CHRM4: variants seen among roughly 807,000 people sequenced by gnomAD.
CHRM4 encodes muscarinic acetylcholine receptor M4.
CHRM4 carries 5 observed loss-of-function variants against 26.3 expected under a neutral mutation model. That is an observed-to-expected ratio of 0.19 (90% CI 0.10 to 0.40). The LOEUF (loss-of-function observed/expected upper bound fraction) is 0.40, where lower values mean the gene tolerates loss of function less well. CHRM4 is among the 10% of genes least tolerant of loss of function. The pLI is 1.00. For synonymous variants in CHRM4, 290 were observed against 285.3 expected (o/e 1.02, Z -0.16); for missense variants, 402 against 664.5 (o/e 0.60, Z 4.34).
chr11:46,386,572 G>T lies in CHRM4; in HGVS notation c.-15C>A. On this transcript the variant is annotated 5_prime_UTR_variant, in exon 2 of 2. Transcript: ENST00000682254. This position sits in a 1 kb window ranked among gnomAD's most constrained non-coding sequence, Gnocchi z 5.8. ...AAGTTGGCCATGTTGGTTGCCAGGGGTGGGTAGGCCGTGTCTGGGGAGGAA... is the reference window on the plus strand; with the variant it reads ...AAGTTGGCCATGTTGGTTGCCAGGGTTGGGTAGGCCGTGTCTGGGGAGGAA... 1 of 1,605,846 alleles carries T rather than the reference G, an allele frequency of 6.2e-7. No homozygotes were observed. Among genetic ancestry groups the T allele is most frequent in the Non-Finnish European group, 8.5e-7 (1 of 1,173,924 alleles).
At chr11:46,390,005 A>T (rs1410023003) in intron 1 of CHRM4, among the ~76,000 whole-genome samples, 1 of 152,176 alleles carries the variant, frequency 6.6e-6, no homozygotes, top group Non-Finnish European at 1.5e-5. Context: ...GTGCGTGCCT[A>T]GGGTGCTGTG....
rs118121247 is a variant in CHRM4, at chr11:46,390,142, T to C, written c.-30+1389A>G. Among the ~76,000 whole-genome samples, 159 of 152,172 alleles carry C rather than the reference T, an allele frequency of 1.0e-3. 5 individuals are homozygous for C. The East Asian group carries it at 0.029, about 27-fold the overall frequency. ...CCCTGCCGGAGACTCAGCCAGACCT[T>C]AGCTGTCCGCCTGAGCGCGTAGAGG... On this transcript the variant is annotated intron_variant, in intron 1 of 1. Transcript: ENST00000682254.
In CHRM4 at chr11:46,385,104, G is replaced by A. The variant is rs534722814; in HGVS notation, c.*14C>T. The A allele has an allele frequency of 6.3e-7, 1 of 1,593,364 alleles. No individual in the cohort carries two copies. The highest frequency in any genetic ancestry group is 1.1e-5 in the South Asian group (1 of 89,194). On this transcript the variant is annotated 3_prime_UTR_variant, in exon 2 of 2. Transcript: ENST00000682254. This position sits in a 1 kb window ranked among gnomAD's most constrained non-coding sequence, Gnocchi z 6.3. ...GCACGCAACACCAGCACCTCCTAGG[G>A]CACTCCTGCCTGCCTACCTGGCAGT... is the stretch of plus-strand genomic sequence containing the variant.
At chr11:46,388,328 T>A (rs1396585646) in intron 1 of CHRM4, among the ~76,000 whole-genome samples, 1 of 152,248 alleles carries the variant, frequency 6.6e-6, no homozygotes, top group East Asian at 1.9e-4. Flanking sequence ...TGCCCCTTCC[T>A]GCACCTCTTT....
intron 1 of CHRM4, among the ~76,000 whole-genome samples, chr11:46,389,388 C>A (rs1945371808): frequency 6.6e-6 from 1 of 152,258 alleles, no homozygotes; most frequent in Non-Finnish European, 1.5e-5. Context: ...AGGGAGCTGC[C>A]AGGTGCTGAC....
chr11:46,383,828 A>G lies in CHRM4; in HGVS notation c.*1290T>C, dbSNP rs1945298875. On this transcript the variant is annotated 3_prime_UTR_variant, in exon 2 of 2. Coordinates refer to ENST00000682254, the MANE Select transcript of CHRM4 (RefSeq NM_000741.5). ...AAAAGCTCTTCTTTTTTAATATATA[A>G]AAGCCCCTTCCCAAGGAGTTTGCTG... 4 of 399,196 alleles carry G rather than the reference A, an allele frequency of 1.0e-5. No individual in the cohort carries two copies. The highest frequency in any genetic ancestry group is 6.3e-5 in the South Asian group (3 of 47,474). 24.7% of individuals were successfully genotyped at this position (399,196 alleles called of 1,614,324 possible).
rs1363974768 is a variant in CHRM4 at position 46,386,153 on chromosome 11, G to A, written c.405C>T (p.Thr135=). 6.2e-7 allele frequency: 1 copy of A among 1,613,710 alleles called. No individual in the cohort carries two copies. ...GCCGGGCAGGGTAGGTGAGAGGCTT[G>A]GTGACGCAGAAGTAGCGGTCAAAGC... ...IISFDRYFCV[T]KPLTYPARRT... The change falls in exon 2 of 2, where the codon ACC becomes ACT. Residue 135 remains threonine (T), a synonymous_variant. Coordinates refer to ENST00000682254, the MANE Select transcript of CHRM4 (RefSeq NM_000741.5). This position sits in a 1 kb window ranked among gnomAD's most constrained non-coding sequence, Gnocchi z 5.8.
In CHRM4 at chr11:46,385,949, G is replaced by A; in HGVS notation, c.609C>T (p.Ala203=). The stretch of plus-strand genomic sequence containing the variant: ...TCATGATGACCACAGGCAGGTAGAA[G>A]GCAGCAATGGCTGTGCCAAAGGTCA... ...PAVTFGTAIA[A]FYLPVVIMTV... is the part of the protein sequence containing the mutation. The change falls in exon 2 of 2, where the codon GCC becomes GCT. Residue 203 remains alanine (A), a synonymous_variant. Coordinates refer to ENST00000682254, the MANE Select transcript of CHRM4 (RefSeq NM_000741.5). This position sits in a 1 kb window ranked among gnomAD's most constrained non-coding sequence, Gnocchi z 6.3. 6.2e-7 allele frequency: 1 copy of A among 1,612,574 alleles called. No individual in the cohort carries two copies. The highest frequency in any genetic ancestry group is 2.2e-5 in the East Asian group (1 of 44,832).
At position 46,386,623 on chromosome 11, in the gene CHRM4, G is replaced by T; in HGVS notation, c.-29-37C>A. Reference sequence around the variant, plus strand: ...GGGGAGAGAAAAGCATGAACTACAGGAGGGAATGGGGGAGTCATCTGGAGG... The same window carrying T: ...GGGGAGAGAAAAGCATGAACTACAGTAGGGAATGGGGGAGTCATCTGGAGG... On this transcript the variant is annotated intron_variant, in intron 1 of 1. Coordinates refer to ENST00000682254, the MANE Select transcript of CHRM4 (RefSeq NM_000741.5). The surrounding 1 kb of genome is among the most constrained non-coding windows in gnomAD (Gnocchi z 5.8). 1.3e-6 allele frequency: 2 copies of T among 1,565,684 alleles called. No individual in the cohort carries two copies. Among genetic ancestry groups the T allele is most frequent in the Non-Finnish European group, 1.7e-6 (2 of 1,150,352 alleles).
At chr11:46,388,583 G>T (rs1422925208) in intron 1 of CHRM4, among the ~76,000 whole-genome samples, 1 of 152,220 alleles carries the variant, frequency 6.6e-6, no homozygotes, top group Non-Finnish European at 1.5e-5. Context: ...TAGGAGGAGA[G>T]GCTGAGAGCA....
Position 46,386,967 on chromosome 11 carries a change from G to A in CHRM4, c.-29-381C>T, listed in dbSNP as rs939911953. ...AGGTCATCTGGGTGATGAGGAGCCA[G>A]CCACAGGAGGAGCTGTGGAGAGTGG... On this transcript the variant is annotated intron_variant, in intron 1 of 1. Transcript: ENST00000682254. This position sits in a 1 kb window ranked among gnomAD's most constrained non-coding sequence, Gnocchi z 5.8. Among the ~76,000 whole-genome samples the A allele has an allele frequency of 1.2e-4, 19 of 152,226 alleles. No individual in the cohort carries two copies. The highest frequency in any genetic ancestry group is 3.1e-4 in the African/African-American group (13 of 41,456).
intron 1 of CHRM4, among the ~76,000 whole-genome samples, chr11:46,388,844 C>G (rs148386928): frequency 6.6e-6 from 1 of 152,216 alleles, no homozygotes. Context: ...CCTCCCAAGG[C>G]AGGATACAGG....
intron 1 of CHRM4, among the ~76,000 whole-genome samples, chr11:46,389,517 CGCCTG>C (rs1014776415): frequency 2.0e-5 from 3 of 152,230 alleles, no homozygotes; most frequent in African/African-American, 7.2e-5. Flanking sequence ...AATCCAGATA[CGCCTG>C]GCATCTGGGG....
rs201628810 is a variant in CHRM4, at chr11:46,386,503, C to G, written c.55G>C (p.Val19Leu). ...TAGCGATTGTGGGATGATGACGTGA[C>G]CAGGCGCACGGACTGATTGCCCGAG... is the stretch of plus-strand genomic sequence containing the variant. The part of the protein sequence containing the change: ...GSSGNQSVRL[V>L]TSSSHNRYET... Residue 19 changes from valine (V) to leucine (L), a missense_variant, in exon 2 of 2, where the codon GTC becomes CTC. Physicochemically the swap from Val to Leu is conservative, Grantham distance 32. Transcript: ENST00000682254. This position sits in a 1 kb window ranked among gnomAD's most constrained non-coding sequence, Gnocchi z 5.8. The G allele has an allele frequency of 3.7e-6, 6 of 1,613,416 alleles. No homozygotes were observed. The highest frequency in any genetic ancestry group is 1.3e-5 in the African/African-American group (1 of 74,886).
Position 46,386,632 on chromosome 11 carries a change from G to A in CHRM4, c.-29-46C>T. 6.5e-7 allele frequency: 1 copy of A among 1,545,598 alleles called. No homozygotes were observed. The highest frequency in any genetic ancestry group is 1.4e-5 in the African/African-American group (1 of 73,890). Reference sequence around the variant, plus strand: ...AAAGCATGAACTACAGGAGGGAATGGGGGAGTCATCTGGAGGTACACTGGA... The same window carrying A: ...AAAGCATGAACTACAGGAGGGAATGAGGGAGTCATCTGGAGGTACACTGGA... On this transcript the variant is annotated intron_variant, in intron 1 of 1. Transcript: ENST00000682254. This position sits in a 1 kb window ranked among gnomAD's most constrained non-coding sequence, Gnocchi z 5.8.
rs1304057880 is a variant in CHRM4 at position 46,386,215 on chromosome 11, C to A, written c.343G>T (p.Val115Leu). The change falls in exon 2 of 2, where the codon GTG becomes TTG. Residue 115 changes from valine (V) to leucine (L), a missense_variant. Around this residue, in one of 5 missense-constraint regions of CHRM4, gnomAD observed 48 missense variants for 129.1 expected, o/e 0.37. Transcript: ENST00000682254. The surrounding 1 kb of genome is among the most constrained non-coding windows in gnomAD (Gnocchi z 5.8). ...AGGTTCATGACGGAGGCGTTGCTCA[C>A]CACGTAGTCCAGGGCCAGCCACAGG... ...CDLWLALDYV[V>L]SNASVMNLLI... is the part of the protein sequence containing the mutation. The A allele has an allele frequency of 6.2e-7, 1 of 1,613,750 alleles. No homozygotes were observed. The highest frequency in any genetic ancestry group is 8.5e-7 in the Non-Finnish European group (1 of 1,179,904).
In CHRM4 at chr11:46,386,243, G is replaced by A. The variant is rs201318460; in HGVS notation, c.315C>T (p.Cys105=). ...CGTAGTCCAGGGCCAGCCACAGGTCGCAGACCACGGCGCCCAGGGGCCAGT... is the reference window on the plus strand; with the variant it reads ...CGTAGTCCAGGGCCAGCCACAGGTCACAGACCACGGCGCCCAGGGGCCAGT... ...KGYWPLGAVV[C]DLWLALDYVV... The change falls in exon 2 of 2, where the codon TGC becomes TGT. Residue 105 remains cysteine, a synonymous_variant. Transcript: ENST00000682254. This position sits in a 1 kb window ranked among gnomAD's most constrained non-coding sequence, Gnocchi z 5.8. 237 of 1,613,742 alleles carry A rather than the reference G, an allele frequency of 1.5e-4. No individual in the cohort carries two copies. The highest frequency in any genetic ancestry group is 3.5e-4 in the Admixed American group (21 of 60,012).
At chr11:46,390,019 G>A (rs937165931) in intron 1 of CHRM4, among the ~76,000 whole-genome samples, 3 of 152,206 alleles carry the variant, frequency 2.0e-5, no homozygotes, top group African/African-American at 2.4e-5. Flanking sequence ...TGCTGTGGCC[G>A]GGAGGATGCA....
rs199586286 is a variant in CHRM4, at chr11:46,385,566, C to T, written c.992G>A (p.Arg331Gln). The change falls in exon 2 of 2, where the codon CGG becomes CAG. Residue 331 changes from arginine (R) to glutamine (Q), a missense_variant. Around this residue, in one of 5 missense-constraint regions of CHRM4, gnomAD observed 205 missense variants for 244.0 expected, o/e 0.84. Transcript: ENST00000682254. The surrounding 1 kb of genome is among the most constrained non-coding windows in gnomAD (Gnocchi z 6.3). ...CCATCTGGAGGCTGGGTTGAGGGCC[C>T]GCGGCTGCAGGGGAGGGGCGGGCAT... The part of the protein sequence containing the change: ...PAMPAPPLQP[R>Q]ALNPASRWSK... 8 of 1,562,688 alleles carry T rather than the reference C, an allele frequency of 5.1e-6. No homozygotes were observed. The highest frequency in any genetic ancestry group is 1.2e-5 in the South Asian group (1 of 83,282).
Sources: allele counts gnomAD v4.1 joint callset (sites outside exome capture counted in the v4.1 genomes callset), GRCh38; gene constraint gnomAD v4.1.1; regional missense constraint gnomAD v4.1.1; non-coding constraint Gnocchi (gnomAD v3.1); transcripts MANE v1.5; gene names NCBI Gene and HGNC (gene_info 2026-07-23, HGNC 2026-07-21).